PTPN21: variants seen among roughly 807,000 people sequenced by gnomAD.
PTPN21 encodes protein tyrosine phosphatase non-receptor type 21.
PTPN21 carries 77 observed loss-of-function variants against 131.8 expected under a neutral mutation model. The observed-to-expected ratio is 0.58, with a 90% confidence interval of 0.49 to 0.71. The LOEUF (loss-of-function observed/expected upper bound fraction) is 0.71. PTPN21 is among the 30% of genes least tolerant of loss of function. PTPN21 has a pLI of 0.00. For synonymous variants in PTPN21, 715 were observed against 621.3 expected, an observed-to-expected ratio of 1.15 and a Z score of -2.24; for missense variants, 1,552 against 1,527.1, an observed-to-expected ratio of 1.02 and a Z score of -0.27.
chr14:88,530,630 G>A (rs1298764641), intron 2 of PTPN21, among the ~76,000 whole-genome samples: 1 of 152,070 alleles, frequency 6.6e-6, no homozygotes, highest in Non-Finnish European at 1.5e-5. Context: ...GCAAGCAGGA[G>A]TAGTTATTCT....
At chr14:88,542,648 A>G (rs2078722832) in intron 2 of PTPN21, among the ~76,000 whole-genome samples, 1 of 152,264 alleles carries the variant, frequency 6.6e-6, no homozygotes, top group Non-Finnish European at 1.5e-5. Context: ...ATAGACTTTA[A>G]AATGCATATC....
At chr14:88,553,338 T>G (rs1319649125) in intron 1 of PTPN21, among the ~76,000 whole-genome samples, 3 of 152,200 alleles carry the variant, frequency 2.0e-5, no homozygotes, top group East Asian at 1.9e-4. Flanking sequence ...ACCCACTATG[T>G]TAAAACAATG....
At chr14:88,505,651 C>T (rs749169873) in intron 4 of PTPN21, among the ~76,000 whole-genome samples, 1 of 152,068 alleles carries the variant, frequency 6.6e-6, no homozygotes, top group Non-Finnish European at 1.5e-5. Context: ...GCAAACAAAA[C>T]CTACCCTGTA....
At chr14:88,515,928 A>G (rs2078261703) in intron 3 of PTPN21, among the ~76,000 whole-genome samples, 1 of 152,164 alleles carries the variant, frequency 6.6e-6, no homozygotes, top group African/African-American at 2.4e-5. Context: ...CAATATTTCT[A>G]TCTCAGACTT....
chr14:88,501,471 A>C (rs1183110030), intron 6 of PTPN21, 103 bp from the exon 7 acceptor site: 2 of 1,006,370 alleles, frequency 2.0e-6, no homozygotes, highest in Non-Finnish European at 3.1e-6. Context: ...AAGACATTAT[A>C]AACATTTCAC....
At chr14:88,498,139 G>C (rs2077952598) in intron 8 of PTPN21, among the ~76,000 whole-genome samples, 1 of 151,840 alleles carries the variant, frequency 6.6e-6, no homozygotes, top group Non-Finnish European at 1.5e-5. Flanking sequence ...GGCCAGGCGA[G>C]GTGGCAGGCA....
At chr14:88,515,121 T>C (rs1292733192) in intron 3 of PTPN21, 2 of 152,324 alleles carry the variant, frequency 1.3e-5, no homozygotes, top group African/African-American at 4.8e-5. Context: ...GCGAGCATCC[T>C]TGAAGACTCT....
At chr14:88,487,219 G>A (rs867182033) in intron 10 of PTPN21, among the ~76,000 whole-genome samples, 2 of 152,004 alleles carry the variant, frequency 1.3e-5, no homozygotes, top group African/African-American at 4.8e-5. Flanking sequence ...AAACACACTG[G>A]ATTCTTGGCT....
At position 88,479,850 on chromosome 14, in the gene PTPN21, A is replaced by AGGGTAG. The variant is rs1566814114; in HGVS notation, c.1575_1580dup (p.Tyr526_Pro527dup). 6.4e-7 allele frequency: 1 copy of AGGGTAG among 1,559,424 alleles called. No individual in the cohort carries two copies. The highest frequency in any genetic ancestry group is 1.2e-5 in the South Asian group (1 of 83,608). ...CGCCCACCACGGGCCGCCGCTCGGCAGGGTAGGGGTAGGGAGACGGGCTGT... is the reference window on the plus strand; with the variant it reads ...CGCCCACCACGGGCCGCCGCTCGGCAGGGTAGGGGTAGGGGTAGGGAGACGGGCTGT... On this transcript the variant is annotated inframe_insertion, in exon 13 of 19. Transcript: ENST00000556564.
intron 10 of PTPN21, among the ~76,000 whole-genome samples, chr14:88,494,262 T>G (rs2077869190): frequency 6.6e-6 from 1 of 152,072 alleles, no homozygotes; most frequent in African/African-American, 2.4e-5. Context: ...GAGGCACATC[T>G]GCAGCCTAGC....
At position 88,471,119 on chromosome 14, in the gene PTPN21, G is replaced by A. The variant is rs182332001; in HGVS notation, c.2872-1069C>T. Among the ~76,000 whole-genome samples the A allele has an allele frequency of 3.0e-3, 458 of 152,240 alleles. 1 individual carries two copies. Among genetic ancestry groups the A allele is most frequent in the African/African-American group, 0.011 (444 of 41,534 alleles). ...TGATATTATATTTAAAAACAAAATAGTATGTGCATAGATTCCCAAAAGCCA... is the reference window on the plus strand; with the variant it reads ...TGATATTATATTTAAAAACAAAATAATATGTGCATAGATTCCCAAAAGCCA... On this transcript the variant is annotated intron_variant, in intron 15 of 18. Transcript: ENST00000556564.
At chr14:88,509,736 A>G (rs1273044807) in intron 3 of PTPN21, among the ~76,000 whole-genome samples, 1 of 152,200 alleles carries the variant, frequency 6.6e-6, no homozygotes, top group African/African-American at 2.4e-5. Context: ...TTTTCCTTAA[A>G]TCAAAAACAC....
intron 6 of PTPN21, among the ~76,000 whole-genome samples, chr14:88,502,858 GAGA>G (rs1000310673): frequency 6.6e-6 from 1 of 152,128 alleles, no homozygotes; most frequent in Non-Finnish European, 1.5e-5. Flanking sequence ...CACGTGGAAG[GAGA>G]AGGAGAGAGG....
chr14:88,499,075 C>CAG (rs1289809969), intron 8 of PTPN21, among the ~76,000 whole-genome samples: 1 of 152,182 alleles, frequency 6.6e-6, no homozygotes, highest in African/African-American at 2.4e-5. Context: ...TGGGCACCAT[C>CAG]AGAGCCCTGC....
intron 2 of PTPN21, among the ~76,000 whole-genome samples, chr14:88,545,710 C>G (rs2078766661): frequency 6.6e-6 from 1 of 152,168 alleles, no homozygotes; most frequent in East Asian, 1.9e-4. Context: ...CGCCTGTAAT[C>G]CCAGCACTTT....
Position 88,515,786 on chromosome 14 carries a change from C to T in PTPN21, c.350+1306G>A, listed in dbSNP as rs570076852. On this transcript the variant is annotated intron_variant, in intron 3 of 18. Transcript: ENST00000556564. ...TTCCACCAGACTGTGAGCAGCTCCT[C>T]CAGGGTGGGATTAAAGCATATTCAC... 2.7e-3 allele frequency among the ~76,000 whole-genome samples: 404 copies of T among 152,290 alleles called. 2 individuals carry two copies. The highest frequency in any genetic ancestry group is 4.6e-3 in the Non-Finnish European group (311 of 68,026).
In PTPN21 at chr14:88,514,091, G is replaced by A. The variant is rs140066824; in HGVS notation, c.350+3001C>T. On this transcript the variant is annotated intron_variant, in intron 3 of 18. Transcript: ENST00000556564. ...TATACAATTTGTTATATAGTTTTTG[G>A]AATTTGTTCTTTGCCAATGTTTTGC... 4.6e-3 allele frequency: 702 copies of A among 152,210 alleles called. 7 individuals carry two copies. The highest frequency in any genetic ancestry group is 0.016 in the African/African-American group (647 of 41,546). 9.4% of individuals were successfully genotyped at this position (152,210 alleles called of 1,614,324 possible).
At chr14:88,480,460 A>G in intron 12 of PTPN21, 108 bp from the exon 13 acceptor site, 1 of 903,516 alleles carries the variant, frequency 1.1e-6, no homozygotes, top group Non-Finnish European at 1.7e-6. Flanking sequence ...CAGCTTGTAA[A>G]AATCCCCGCT....
rs143725162 is a variant in PTPN21, at chr14:88,548,456, G to C, written c.180+1782C>G. Among the ~76,000 whole-genome samples, 596 of 152,238 alleles carry C rather than the reference G, an allele frequency of 3.9e-3. 7 individuals are homozygous for C. Among genetic ancestry groups the C allele is most frequent in the African/African-American group, 0.014 (566 of 41,532 alleles). Reference sequence around the variant, plus strand: ...ATAGGACTCCCTTGCCCCATCCTCAGGTCACAGCTCAGAATCAAATTCCCT... The same window carrying C: ...ATAGGACTCCCTTGCCCCATCCTCACGTCACAGCTCAGAATCAAATTCCCT... On this transcript the variant is annotated intron_variant, in intron 2 of 18. Coordinates refer to ENST00000556564, the MANE Select transcript of PTPN21 (RefSeq NM_007039.4).
Sources: gnomAD v4.1 joint callset for allele counts (sites outside exome capture counted in the v4.1 genomes callset) on GRCh38, gnomAD v4.1.1 for gene constraint, MANE v1.5 for transcripts, NCBI Gene and HGNC (gene_info 2026-07-23, HGNC 2026-07-21) for gene names.